The following LARP4B variants were observed in gnomAD, a reference collection of about 807,000 sequenced individuals.
LARP4B encodes the protein la-related protein 4B.
Under a neutral mutation model 89.8 loss-of-function variants are expected in LARP4B, and 12 were observed. That is an observed-to-expected ratio of 0.13 (90% CI 0.09 to 0.22). The LOEUF (loss-of-function observed/expected upper bound fraction) is 0.22, where lower values mean the gene tolerates loss of function less well. Among genes scored for constraint, LARP4B ranks in the 10% least tolerant of loss-of-function variants. The pLI is 1.00. For synonymous variants in LARP4B, 367 were observed against 363.3 expected (o/e 1.01, Z -0.12); for missense variants, 757 against 947.7 (o/e 0.80, Z 2.64).
intron 5 of LARP4B, among the ~76,000 whole-genome samples, 153 bp downstream of exon 5, chr10:863,590 T>A (rs1248239393): frequency 3.9e-5 from 6 of 152,086 alleles, no homozygotes; most frequent in Non-Finnish European, 8.8e-5. Flanking sequence ...GGGCCTCTCA[T>A]CTTCTCTGCA....
intron 1 of LARP4B, among the ~76,000 whole-genome samples, chr10:918,561 G>C (rs1836889667): frequency 6.7e-6 from 1 of 148,836 alleles, no homozygotes; most frequent in Non-Finnish European, 1.5e-5. Flanking sequence ...TTGAGACTGG[G>C]AGGTCAAGAC....
At chr10:872,743 A>T (rs1588949221) in intron 3 of LARP4B, among the ~76,000 whole-genome samples, 2 of 151,858 alleles carry the variant, frequency 1.3e-5, no homozygotes, top group Admixed American at 1.3e-4. Context: ...CTTCCCAACA[A>T]CCTTGTCGGC....
chr10:820,834 A>G lies in LARP4B; in HGVS notation c.1496T>C (p.Phe499Ser). ...CTCCTCCCTTTTCTTCCGGTAGCCA[A>G]AGGAATTCTTCCTAGAGGAGTGGAA... ...PGLGRGRKNS[F>S]GYRKKREEKF... The change falls in exon 14 of 18, where the codon TTT becomes TCT. Residue 499 changes from phenylalanine to serine, a missense_variant. Phe to Ser is a radical substitution (Grantham distance 155). This residue lies in a region of LARP4B where 387 missense variants were observed against 423.6 expected (regional missense o/e 0.91). Coordinates refer to ENST00000316157, the MANE Select transcript of LARP4B (RefSeq NM_015155.3). 6.2e-7 allele frequency: 1 copy of G among 1,613,904 alleles called. No homozygotes were observed. The highest frequency in any genetic ancestry group is 8.5e-7 in the Non-Finnish European group (1 of 1,179,822).
At chr10:976,434 C>T in the LARP4B span, among the ~76,000 whole-genome samples, 456 of 145,186 alleles carry the variant, frequency 3.1e-3, 4 homozygotes, top group African/African-American at 0.011. Context: ...GTAGGCCTGC[C>T]GCGTAATGTG....
At chr10:948,467 C>G in the LARP4B span, among the ~76,000 whole-genome samples, 1 of 152,168 alleles carries the variant, frequency 6.6e-6, no homozygotes, top group Non-Finnish European at 1.5e-5. Flanking sequence ...AGGCAGGTCT[C>G]GAACTCCTGA....
In LARP4B at chr10:812,736, T is replaced by C. The variant is rs1831804339; in HGVS notation, c.*190A>G. 1 of 417,596 alleles carries C rather than the reference T, an allele frequency of 2.4e-6. No homozygotes were observed. The allele number at this position is 417,596 out of a possible 1,614,324, so 25.9% of individuals were successfully genotyped here. A position where few individuals can be genotyped will look rare whatever the true frequency, so the allele number is the denominator to read the frequency against. Reference sequence around the variant, plus strand: ...CAACCTAAAATAAGGTTTGTATTAATTAAATCCTGAAAAATCGATTTTTTT... The same window carrying C: ...CAACCTAAAATAAGGTTTGTATTAACTAAATCCTGAAAAATCGATTTTTTT... On this transcript the variant is annotated 3_prime_UTR_variant, in exon 18 of 18. Transcript: ENST00000316157.
chr10:864,030 T>C, intron 4 of LARP4B, 93 bp downstream of exon 4: 2 of 1,574,410 alleles, frequency 1.3e-6, no homozygotes, highest in Middle Eastern at 1.7e-4. Flanking sequence ...GACACAGTTA[T>C]GAATGAACAA....
the LARP4B span, among the ~76,000 whole-genome samples, chr10:970,964 G>A: frequency 3.5e-3 from 536 of 152,280 alleles, 3 homozygotes; most frequent in African/African-American, 0.012. Flanking sequence ...GCTCTGCTGC[G>A]TGTCAGAGGA....
At chr10:921,614 A>C (rs1836982696) in intron 1 of LARP4B, among the ~76,000 whole-genome samples, 1 of 152,094 alleles carries the variant, frequency 6.6e-6, no homozygotes, top group Admixed American at 6.5e-5. Context: ...AAGATAATAA[A>C]ACTTGTGGTC....
chr10:870,956 A>G (rs760896304), intron 3 of LARP4B, among the ~76,000 whole-genome samples: 2 of 152,174 alleles, frequency 1.3e-5, no homozygotes, highest in African/African-American at 4.8e-5. Context: ...ACTTTTTTCT[A>G]TTTGATTAGT....
At chr10:943,442 C>A in the LARP4B span, among the ~76,000 whole-genome samples, 1 of 151,226 alleles carries the variant, frequency 6.6e-6, no homozygotes, top group Non-Finnish European at 1.5e-5. Context: ...TTCATTTTGT[C>A]TTTTCGAGAC....
chr10:831,101 T>C lies in LARP4B; in HGVS notation c.751-124A>G, dbSNP rs1312036287. On this transcript the variant is annotated intron_variant, in intron 8 of 17. Coordinates refer to ENST00000316157, the MANE Select transcript of LARP4B (RefSeq NM_015155.3). ...CCTTAAACAAACGTACCATGATGCC[T>C]AGTAAATCTCTCTTCCAAAAAGGAT... 1.1e-5 allele frequency: 5 copies of C among 474,844 alleles called. No homozygotes were observed. In the Admixed American group the frequency reaches 1.8e-4, roughly 17 times the overall value. 29.4% of individuals were successfully genotyped at this position (474,844 alleles called of 1,614,324 possible). A position where few individuals can be genotyped will look rare whatever the true frequency, so the allele number is the denominator to read the frequency against.
At chr10:928,123 G>A (rs1837201425) in intron 1 of LARP4B, among the ~76,000 whole-genome samples, 2 of 151,958 alleles carry the variant, frequency 1.3e-5, no homozygotes, top group South Asian at 2.1e-4. Flanking sequence ...TCGGGAGGCT[G>A]AGGCAGGAGA....
chr10:934,853 C>G (rs916335103), upstream of LARP4B, among the ~76,000 whole-genome samples: 5 of 152,222 alleles, frequency 3.3e-5, no homozygotes, highest in Non-Finnish European at 7.3e-5. Context: ...GCCGTTGTTA[C>G]TGCTCACCTG....
intron 1 of LARP4B, among the ~76,000 whole-genome samples, chr10:929,083 T>A (rs1292162352): frequency 2.6e-5 from 4 of 152,232 alleles, no homozygotes; most frequent in Admixed American, 2.6e-4. Context: ...TAATTTCAGC[T>A]ACTCTTCTAC....
intron 1 of LARP4B, among the ~76,000 whole-genome samples, chr10:910,575 C>T (rs1018650995): frequency 2.6e-5 from 4 of 152,200 alleles, no homozygotes; most frequent in Admixed American, 2.0e-4. Flanking sequence ...CTCCCTCTTT[C>T]CTTTAAGAGT....
At chr10:842,611 T>G (rs1026902890) in intron 7 of LARP4B, among the ~76,000 whole-genome samples, 1 of 152,248 alleles carries the variant, frequency 6.6e-6, no homozygotes, top group Non-Finnish European at 1.5e-5. Context: ...GTATTTTACT[T>G]TAACTATAAA....
At chr10:918,278 T>C (rs1017124837) in intron 1 of LARP4B, among the ~76,000 whole-genome samples, 10 of 152,166 alleles carry the variant, frequency 6.6e-5, no homozygotes, top group Admixed American at 5.2e-4. Context: ...TCATCATGCT[T>C]GGCCCAAATA....
chr10:855,730 T>G (rs545490082), intron 5 of LARP4B, among the ~76,000 whole-genome samples: 12 of 152,230 alleles, frequency 7.9e-5, no homozygotes, highest in Admixed American at 5.9e-4. Context: ...GGAAAAATGG[T>G]GCCAATTACT....
Sources: gnomAD v4.1 joint callset for allele counts (sites outside exome capture counted in the v4.1 genomes callset) on GRCh38, gnomAD v4.1.1 for gene constraint, gnomAD v4.1.1 regional missense constraint, MANE v1.5 for transcripts, NCBI Gene and HGNC (gene_info 2026-07-23, HGNC 2026-07-21) for gene names.